The following ATP2C2 variants were observed in gnomAD, a reference collection of about 807,000 sequenced individuals.
The protein encoded by ATP2C2 is ATPase secretory pathway Ca2+ transporting 2.
A neutral mutation model predicts 110.8 loss-of-function variants in ATP2C2; 171 were observed. That is an observed-to-expected ratio of 1.54 (90% CI 1.36 to 1.75). The LOEUF is 1.75. Ranked by LOEUF, ATP2C2 falls within the 40% of genes most tolerant of loss-of-function variation. The pLI, the probability that ATP2C2 is intolerant of heterozygous loss-of-function variation, is 0.00. For missense variants in ATP2C2, 1,963 were observed against 1,235.0 expected, an observed-to-expected ratio of 1.59 and a Z score of -8.84; for synonymous variants, 804 against 508.4, an observed-to-expected ratio of 1.58 and a Z score of -7.82.
At chr16:84,441,949 T>G (rs1333116318) in intron 14 of ATP2C2, among the ~76,000 whole-genome samples, 3 of 105,572 alleles carry the variant, frequency 2.8e-5, no homozygotes, top group African/African-American at 1.1e-4. Context: ...GAAACAAAAA[T>G]ATGCAAAACT....
At chr16:84,424,479 T>C (rs532262025) in intron 10 of ATP2C2, among the ~76,000 whole-genome samples, 48 of 152,158 alleles carry the variant, frequency 3.2e-4, no homozygotes, top group African/African-American at 1.1e-3. Context: ...GGTTTTGTCA[T>C]GTTGGCCAGG....
Position 84,417,188 on chromosome 16 carries a change from C to A in ATP2C2, c.624+1597C>A, listed in dbSNP as rs147105809. Among the ~76,000 whole-genome samples, 100 of 152,296 alleles carry A rather than the reference C, an allele frequency of 6.6e-4. 5 individuals carry two copies. The East Asian group carries it at 0.018, about 28-fold the overall frequency. On this transcript the variant is annotated intron_variant, in intron 7 of 26. Coordinates refer to ENST00000262429, the MANE Select transcript of ATP2C2 (RefSeq NM_014861.4). ...TAGGGTACTTGGGAGGATTACAGAT[C>A]TTCAGAGATGCCAAAAGTGCTCAGA...
intron 11 of ATP2C2, among the ~76,000 whole-genome samples, chr16:84,432,621 A>G (rs1036919354): frequency 1.3e-5 from 2 of 152,010 alleles, no homozygotes; most frequent in South Asian, 2.1e-4. Context: ...CCTGGGTTCA[A>G]ACTATTCTCC....
At chr16:84,368,931 G>A (rs1909792841) in intron 1 of ATP2C2, among the ~76,000 whole-genome samples, 1 of 152,242 alleles carries the variant, frequency 6.6e-6, no homozygotes, top group African/African-American at 2.4e-5. Flanking sequence ...CCCATTTTGT[G>A]GTTGAGAAAC....
At chr16:84,427,095 C>T (rs1480877548) in intron 11 of ATP2C2, among the ~76,000 whole-genome samples, 2 of 152,314 alleles carry the variant, frequency 1.3e-5, no homozygotes, top group South Asian at 2.1e-4. Context: ...TGTCTAGGCT[C>T]ATGTCAGGCC....
Position 84,447,484 on chromosome 16 carries a change from A to G in ATP2C2, c.1504-1049A>G, listed in dbSNP as rs189391256. On this transcript the variant is annotated intron_variant, in intron 16 of 26. Transcript: ENST00000262429. ...TTTTAAGTCTGGGATGGAGCATTGC[A>G]GATTTTAAATATGCAAACGACAACA... Among the ~76,000 whole-genome samples, 21 of 151,978 alleles carry G rather than the reference A, an allele frequency of 1.4e-4. 1 individual carries two copies. Among genetic ancestry groups the G allele is most frequent in the Admixed American group, 1.2e-3 (18 of 15,244 alleles).
chr16:84,441,792 C>A lies in ATP2C2; in HGVS notation c.1312-718C>A, dbSNP rs553162259. ...TAAAAATTAGCTGGGCATGGTGGCACACACCTGTAGTCCCAGCTACTCAGG... is the reference window on the plus strand; with the variant it reads ...TAAAAATTAGCTGGGCATGGTGGCAAACACCTGTAGTCCCAGCTACTCAGG... On this transcript the variant is annotated intron_variant, in intron 14 of 26. Coordinates refer to ENST00000262429, the MANE Select transcript of ATP2C2 (RefSeq NM_014861.4). Among the ~76,000 whole-genome samples, 21 of 152,216 alleles carry A rather than the reference C, an allele frequency of 1.4e-4. No homozygotes were observed. In the South Asian group the frequency reaches 4.4e-3, roughly 32 times the overall value.
At chr16:84,431,557 G>T (rs570668144) in intron 11 of ATP2C2, among the ~76,000 whole-genome samples, 1 of 152,022 alleles carries the variant, frequency 6.6e-6, no homozygotes, top group Non-Finnish European at 1.5e-5. Flanking sequence ...GAGGGTTATG[G>T]GTAGAGAGTT....
At chr16:84,419,972 G>A (rs998594008) in intron 7 of ATP2C2, among the ~76,000 whole-genome samples, 6 of 152,160 alleles carry the variant, frequency 3.9e-5, no homozygotes, top group East Asian at 3.8e-4. Context: ...CAAAACAGCC[G>A]TTTTAGGCAA....
chr16:84,422,401 C>T lies in ATP2C2; in HGVS notation c.636C>T (p.Leu212=). The T allele has an allele frequency of 6.2e-7, 1 of 1,614,052 alleles. No individual in the cohort carries two copies. The highest frequency in any genetic ancestry group is 8.5e-7 in the Non-Finnish European group (1 of 1,179,966). The change falls in exon 8 of 27, where the codon CTC becomes CTT. Residue 212 remains leucine, a synonymous_variant. Coordinates refer to ENST00000262429, the MANE Select transcript of ATP2C2 (RefSeq NM_014861.4). ...ADIRLTEVTD[L]LVDESSFTGE... ...CCTTGCTCTCCTAGGTCACGGACCT[C>T]TTGGTGGATGAATCCAGTTTCACCG...
At position 84,448,586 on chromosome 16, in the gene ATP2C2, C is replaced by T; in HGVS notation, c.1557C>T (p.Tyr519=). The part of the protein sequence containing the change: ...MKGALEEVIR[Y]CTMYNNGGIP... Reference sequence around the variant, plus strand: ...GGGCCTTGGAAGAGGTGATCCGCTACTGCACCATGTACAACAACGGGGGCA... The same window carrying T: ...GGGCCTTGGAAGAGGTGATCCGCTATTGCACCATGTACAACAACGGGGGCA... Residue 519 remains tyrosine (Y), a synonymous_variant, in exon 17 of 27, where the codon TAC becomes TAT. Transcript: ENST00000262429. The T allele has an allele frequency of 1.2e-6, 2 of 1,614,106 alleles. No homozygotes were observed. The highest frequency in any genetic ancestry group is 2.2e-5 in the South Asian group (2 of 91,072).
rs768956099 is a variant in ATP2C2 at position 84,460,789 on chromosome 16, C to G, written c.2469C>G (p.Ile823Met). Residue 823 changes from isoleucine (I) to methionine (M), a missense_variant, in exon 24 of 27, where the codon ATC (isoleucine) becomes ATG (methionine). Physicochemically the swap from Ile to Met is conservative, Grantham distance 10. Coordinates refer to ENST00000262429, the MANE Select transcript of ATP2C2 (RefSeq NM_014861.4). ...TCATCATCAGCGGGACCCTCTTTATCTTCTGGAAGGAGGTGAGCGAGGGTC... is the reference window on the plus strand; with the variant it reads ...TCATCATCAGCGGGACCCTCTTTATGTTCTGGAAGGAGGTGAGCGAGGGTC... ...AAIIISGTLF[I>M]FWKEMPEDRA... 1.2e-6 allele frequency: 2 copies of G among 1,612,882 alleles called. No individual in the cohort carries two copies. Among genetic ancestry groups the G allele is most frequent in the East Asian group, 4.5e-5 (2 of 44,850 alleles).
intron 15 of ATP2C2, among the ~76,000 whole-genome samples, chr16:84,445,321 G>A (rs1909648241): frequency 6.6e-6 from 1 of 151,284 alleles, no homozygotes; most frequent in Admixed American, 6.6e-5. Flanking sequence ...CGATTCTCCT[G>A]CCTCAGCCTC....
chr16:84,397,175 T>C (rs9929758), intron 1 of ATP2C2, among the ~76,000 whole-genome samples: 22,978 of 151,698 alleles, frequency 0.15, 1,943 homozygotes, highest in East Asian at 0.21. Flanking sequence ...TCCTTTGTAT[T>C]AGCAAAGCCT....
At chr16:84,372,764 G>GT (rs1265964992) in intron 1 of ATP2C2, among the ~76,000 whole-genome samples, 1 of 152,064 alleles carries the variant, frequency 6.6e-6, no homozygotes, top group African/African-American at 2.4e-5. Flanking sequence ...GTGATATCAA[G>GT]TAAGTATAAG....
In ATP2C2 at chr16:84,453,223, C is replaced by T. The variant is rs564980003; in HGVS notation, c.1917C>T (p.Asp639=). The change falls in exon 19 of 27, where the codon GAC becomes GAT. Residue 639 remains aspartate, a synonymous_variant. Coordinates refer to ENST00000262429, the MANE Select transcript of ATP2C2 (RefSeq NM_014861.4). ...GCGTGGAGAAGGGCGAGCTGGCCGA[C>T]CGCGTGGGGAAGGTGGGTCCCCGGA... ...VDSVEKGELA[D]RVGKVSVFFR... 13 of 1,613,864 alleles carry T rather than the reference C, an allele frequency of 8.1e-6. No homozygotes were observed. The highest frequency in any genetic ancestry group is 6.7e-5 in the Admixed American group (4 of 60,014).
At chr16:84,439,621 G>A in intron 13 of ATP2C2, 97 bp downstream of exon 13, 1 of 1,197,488 alleles carries the variant, frequency 8.4e-7, no homozygotes, top group Non-Finnish European at 1.2e-6. Context: ...ACACAATAAG[G>A]AAGAAATAAA....
At position 84,463,952 on chromosome 16, in the gene ATP2C2, G is replaced by T; in HGVS notation, c.*220G>T. The T allele has an allele frequency of 7.5e-6, 4 of 533,898 alleles. No individual in the cohort carries two copies. The highest frequency in any genetic ancestry group is 7.5e-5 in the South Asian group (3 of 40,192). 33.1% of individuals were successfully genotyped at this position (533,898 alleles called of 1,614,324 possible). A position where few individuals can be genotyped will look rare whatever the true frequency, so the allele number is the denominator to read the frequency against. Reference sequence around the variant, plus strand: ...CTGGCTGTGGGACAGACAGGGAGGGGCCTGTACAGAAACACCACACTGTTT... The same window carrying T: ...CTGGCTGTGGGACAGACAGGGAGGGTCCTGTACAGAAACACCACACTGTTT... On this transcript the variant is annotated 3_prime_UTR_variant, in exon 27 of 27. Coordinates refer to ENST00000262429, the MANE Select transcript of ATP2C2 (RefSeq NM_014861.4).
Position 84,452,161 on chromosome 16 carries a change from A to G in ATP2C2, c.1831+70A>G, listed in dbSNP as rs1166201593. 2.5e-6 allele frequency: 4 copies of G among 1,581,572 alleles called. No individual in the cohort carries two copies. The African/African-American group carries it at 5.4e-5, about 21-fold the overall frequency. ...TCCTTTACGATGGGGGGCTGCTACC[A>G]AAGGGAAGCCTCCGCAAACTCGGTC... On this transcript the variant is annotated intron_variant, in intron 18 of 26. Coordinates refer to ENST00000262429, the MANE Select transcript of ATP2C2 (RefSeq NM_014861.4).
Sources: gnomAD v4.1 joint callset for allele counts (sites outside exome capture counted in the v4.1 genomes callset) on GRCh38, gnomAD v4.1.1 for gene constraint, MANE v1.5 for transcripts, NCBI Gene and HGNC (gene_info 2026-07-23, HGNC 2026-07-21) for gene names.